Variants in IGSF11 observed in about 807,000 individuals in gnomAD.
The protein encoded by IGSF11 is immunoglobulin superfamily member 11.
Under a neutral mutation model 41.0 loss-of-function variants are expected in IGSF11, and 22 were observed. That is an observed-to-expected ratio of 0.54 (90% CI 0.38 to 0.77). The LOEUF (loss-of-function observed/expected upper bound fraction) is 0.77. Among genes scored for constraint, IGSF11 ranks in the 30% least tolerant of loss-of-function variants. The probability of loss-of-function intolerance (pLI) is 0.00; values close to 1 mark genes in which losing one functional copy is unlikely to be tolerated. For synonymous variants in IGSF11, 219 were observed against 201.3 expected, an observed-to-expected ratio of 1.09 and a Z score of -0.74; for missense variants, 444 against 530.8, an observed-to-expected ratio of 0.84 and a Z score of 1.61.
intron 1 of IGSF11, among the ~76,000 whole-genome samples, chr3:119,113,652 C>T (rs1464851392): frequency 2.6e-5 from 4 of 152,192 alleles, no homozygotes; most frequent in Non-Finnish European, 4.4e-5. Context: ...CTTTTCTAGG[C>T]ACATGGTGCA....
chr3:118,992,392 A>C (rs1027276902), intron 1 of IGSF11, among the ~76,000 whole-genome samples: 4 of 152,268 alleles, frequency 2.6e-5, no homozygotes, highest in African/African-American at 9.6e-5. Flanking sequence ...CCAAGATTTC[A>C]GCACATAGTT....
intron 1 of IGSF11, among the ~76,000 whole-genome samples, chr3:119,103,981 T>C (rs1266204260): frequency 1.3e-5 from 2 of 152,232 alleles, no homozygotes; most frequent in East Asian, 1.9e-4. Flanking sequence ...AGGTTTCATC[T>C]AGTTTTTTTA....
At chr3:119,112,034 G>A (rs1040702723) in intron 1 of IGSF11, among the ~76,000 whole-genome samples, 25 of 152,314 alleles carry the variant, frequency 1.6e-4, no homozygotes, top group African/African-American at 4.3e-4. Flanking sequence ...GCTGCTCGGG[G>A]GTCAGGGGTC....
At chr3:119,030,671 G>A (rs1228018162) in intron 1 of IGSF11, among the ~76,000 whole-genome samples, 1 of 152,086 alleles carries the variant, frequency 6.6e-6, no homozygotes, top group Non-Finnish European at 1.5e-5. Context: ...TACCACCCAA[G>A]AACCAACAAC....
intron 4 of IGSF11, among the ~76,000 whole-genome samples, chr3:118,914,431 T>C (rs947906025): frequency 2.0e-5 from 3 of 151,280 alleles, no homozygotes; most frequent in Admixed American, 1.3e-4. Context: ...GGGCGAGGCA[T>C]TGCCTCACCT....
At chr3:119,145,853 T>C (rs9289121) in exon 1 of IGSF11, 107,184 of 245,688 alleles carry the variant, frequency 0.44, 23,897 homozygotes, top group East Asian at 0.52. Flanking sequence ...GGAGAACCTC[T>C]GTGAACAAGG....
At chr3:118,979,309 TAA>T (rs1254347910) in intron 1 of IGSF11, among the ~76,000 whole-genome samples, 2 of 152,096 alleles carry the variant, frequency 1.3e-5, no homozygotes, top group African/African-American at 4.8e-5. Context: ...ATTGGTGACC[TAA>T]AAGAGAATGA....
At chr3:118,946,823 T>C (rs1034198736) in intron 1 of IGSF11, among the ~76,000 whole-genome samples, 2 of 152,192 alleles carry the variant, frequency 1.3e-5, no homozygotes, top group African/African-American at 4.8e-5. Context: ...GCTTAACAAA[T>C]GCACATGGCC....
At chr3:119,082,731 T>C (rs1195337016) in intron 1 of IGSF11, among the ~76,000 whole-genome samples, 1 of 152,242 alleles carries the variant, frequency 6.6e-6, no homozygotes, top group African/African-American at 2.4e-5. Flanking sequence ...TAGTGTTTAG[T>C]GTTTGTATGT....
intron 4 of IGSF11, among the ~76,000 whole-genome samples, chr3:118,908,731 G>T (rs543326540): frequency 6.6e-6 from 1 of 152,302 alleles, no homozygotes; most frequent in Non-Finnish European, 1.5e-5. Flanking sequence ...TGGCACAGAA[G>T]GCCCTTCTGA....
chr3:119,068,438 C>A (rs1268680111), intron 1 of IGSF11, among the ~76,000 whole-genome samples: 2 of 152,208 alleles, frequency 1.3e-5, no homozygotes, highest in African/African-American at 4.8e-5. Context: ...CTTAGCACTT[C>A]TTTTAGCTTC....
chr3:119,058,734 AC>A (rs1218355379), intron 1 of IGSF11, among the ~76,000 whole-genome samples: 2 of 152,170 alleles, frequency 1.3e-5, no homozygotes, highest in African/African-American at 4.8e-5. Flanking sequence ...CAAATGTCCA[AC>A]AATGATAGAC....
At chr3:118,979,191 A>T (rs1934449637) in intron 1 of IGSF11, among the ~76,000 whole-genome samples, 2 of 152,198 alleles carry the variant, frequency 1.3e-5, no homozygotes, top group South Asian at 4.1e-4. Flanking sequence ...AGAATATTAG[A>T]ACGTGAAGAC....
At chr3:119,078,806 C>A (rs1422546814) in intron 1 of IGSF11, among the ~76,000 whole-genome samples, 3 of 152,110 alleles carry the variant, frequency 2.0e-5, no homozygotes, top group African/African-American at 7.2e-5. Flanking sequence ...AAAATATTCA[C>A]AAACTATGCA....
chr3:118,991,966 GATGAATAA>G (rs1001070253), intron 1 of IGSF11, among the ~76,000 whole-genome samples: 1 of 152,240 alleles, frequency 6.6e-6, no homozygotes, highest in African/African-American at 2.4e-5. Context: ...CATGGAAAGT[GATGAATAA>G]GCTTCATTGA....
At chr3:118,971,873 A>C (rs1239916477) in intron 1 of IGSF11, among the ~76,000 whole-genome samples, 1 of 152,108 alleles carries the variant, frequency 6.6e-6, no homozygotes, top group African/African-American at 2.4e-5. Flanking sequence ...GCCTTCTCAA[A>C]TGTTGACTGA....
chr3:119,017,587 T>C (rs1385479045), intron 1 of IGSF11, among the ~76,000 whole-genome samples: 1 of 152,156 alleles, frequency 6.6e-6, no homozygotes, highest in Non-Finnish European at 1.5e-5. Context: ...AATTGAGCCA[T>C]GTGATCTTAT....
At chr3:119,076,692 C>T (rs1405849243) in intron 1 of IGSF11, among the ~76,000 whole-genome samples, 6 of 152,202 alleles carry the variant, frequency 3.9e-5, no homozygotes, top group South Asian at 2.1e-4. Flanking sequence ...CAGAGAAATG[C>T]AAATCAAAAT....
At chr3:119,002,307 T>C (rs1443073172) in intron 1 of IGSF11, among the ~76,000 whole-genome samples, 1 of 149,548 alleles carries the variant, frequency 6.7e-6, no homozygotes, top group South Asian at 2.2e-4. Flanking sequence ...TCACCCACTT[T>C]TTGATGGGGT....
Sources: gnomAD v4.1 joint callset for allele counts (sites outside exome capture counted in the v4.1 genomes callset) on GRCh38, gnomAD v4.1.1 for gene constraint, MANE v1.5 for transcripts, NCBI Gene and HGNC (gene_info 2026-07-23, HGNC 2026-07-21) for gene names.